The following SEC24A variants were observed in gnomAD, a reference collection of about 807,000 sequenced individuals.
SEC24A encodes the protein protein transport protein Sec24A.
In SEC24A, 93 loss-of-function variants were observed where a neutral mutation model predicts 129.4. The observed-to-expected ratio is 0.72, with a 90% CI of 0.61 to 0.85. The LOEUF is 0.85. Among genes scored for constraint, SEC24A ranks in the 40% least tolerant of loss-of-function variants. SEC24A has a pLI of 0.00. For synonymous variants in SEC24A, 460 were observed against 467.3 expected, an observed-to-expected ratio of 0.98 and a Z score of 0.20; for missense variants, 1,264 against 1,307.4, an observed-to-expected ratio of 0.97 and a Z score of 0.51.
chr5:134,686,457 G>A (rs1580711402), intron 9 of SEC24A, among the ~76,000 whole-genome samples: 2 of 152,090 alleles, frequency 1.3e-5, no homozygotes, highest in Admixed American at 6.5e-5. Flanking sequence ...CGCTGGTCTC[G>A]AACTCCTGAC....
At chr5:134,665,312 G>T (rs1050505812) in intron 2 of SEC24A, among the ~76,000 whole-genome samples, 2 of 150,916 alleles carry the variant, frequency 1.3e-5, no homozygotes, top group Non-Finnish European at 2.9e-5. Context: ...AAATTAGCCG[G>T]GCGTGGTGGC....
At chr5:134,661,735 C>A in intron 2 of SEC24A, 149 bp downstream of exon 2, 1 of 708,494 alleles carries the variant, frequency 1.4e-6, no homozygotes, top group Non-Finnish European at 2.3e-6. Context: ...TGTTTTTCGG[C>A]TTTCCAGCAA....
intron 22 of SEC24A, among the ~76,000 whole-genome samples, chr5:134,724,470 C>G (rs1204261595): frequency 6.6e-6 from 1 of 152,072 alleles, no homozygotes; most frequent in Admixed American, 6.6e-5. Flanking sequence ...TGCCTGTAAT[C>G]CCAGCTACTC....
chr5:134,701,212 C>T (rs1020796355), intron 15 of SEC24A: 2 of 152,272 alleles, frequency 1.3e-5, no homozygotes, highest in African/African-American at 4.8e-5. Context: ...GTCATCCTTG[C>T]ACTGGGGCCA....
At position 134,714,814 on chromosome 5, in the gene SEC24A, CAGTT is replaced by C. The variant is rs1169926433; in HGVS notation, c.2728-204_2728-201del. The stretch of plus-strand genomic sequence containing the variant: ...GGAGATCAGATAACTTTGCCATGGT[CAGTT>C]AGTTAATTTCAAAAGACTTTTAGGT... On this transcript the variant is annotated intron_variant, in intron 18 of 22. Coordinates refer to ENST00000398844, the MANE Select transcript of SEC24A (RefSeq NM_021982.3). Among the ~76,000 whole-genome samples, 5 of 152,080 alleles carry C rather than the reference CAGTT, an allele frequency of 3.3e-5. No individual in the cohort carries two copies. The South Asian group carries it at 6.2e-4, about 19-fold the overall frequency.
chr5:134,693,465 G>C, intron 12 of SEC24A: 1 of 1,381,654 alleles, frequency 7.2e-7, no homozygotes, highest in Non-Finnish European at 9.3e-7. Context: ...TGGTTCTTTT[G>C]GATACATTTT....
intron 15 of SEC24A, 87 bp from the exon 16 acceptor site, chr5:134,703,672 T>C (rs1228721235): frequency 1.2e-6 from 1 of 865,350 alleles, no homozygotes; most frequent in Non-Finnish European, 1.9e-6. Context: ...TCTTTACTTT[T>C]TGCCAATCTG....
chr5:134,662,371 G>C (rs922326911), intron 2 of SEC24A, among the ~76,000 whole-genome samples: 1 of 151,876 alleles, frequency 6.6e-6, no homozygotes, highest in South Asian at 2.1e-4. Flanking sequence ...AGCCAGGATG[G>C]TCTCGATCTC....
chr5:134,676,438 C>T (rs1173304980), intron 7 of SEC24A, among the ~76,000 whole-genome samples: 6 of 84,202 alleles, frequency 7.1e-5, no homozygotes, highest in Non-Finnish European at 8.8e-5. Context: ...GCGCCCGGCT[C>T]TTTTTTTTTT....
In SEC24A at chr5:134,696,875, G is replaced by A. The variant is rs113405822; in HGVS notation, c.1987-251G>A. ...ACTCCTGGGCTCAAGCAGTCCACCCGCCTTGGCTTCCCAAAGTGCTAGGAT... is the reference window on the plus strand; with the variant it reads ...ACTCCTGGGCTCAAGCAGTCCACCCACCTTGGCTTCCCAAAGTGCTAGGAT... On this transcript the variant is annotated intron_variant, in intron 13 of 22. Transcript: ENST00000398844. Among the ~76,000 whole-genome samples, 561 of 150,144 alleles carry A rather than the reference G, an allele frequency of 3.7e-3. 3 individuals carry two copies. Among genetic ancestry groups the A allele is most frequent in the African/African-American group, 0.013 (535 of 40,894 alleles).
At position 134,661,387 on chromosome 5, in the gene SEC24A, T is replaced by G; in HGVS notation, c.366T>G (p.Pro122=). ...ASQNPATTPM[P]SSSFLPEANL... ...AGAACCCAGCTACTACACCAATGCC[T>G]TCTAGTAGCTTTCTTCCTGAAGCCA... The change falls in exon 2 of 23, where the codon CCT becomes CCG. Residue 122 remains proline, a synonymous_variant. Coordinates refer to ENST00000398844, the MANE Select transcript of SEC24A (RefSeq NM_021982.3). The G allele has an allele frequency of 1.9e-6, 3 of 1,614,170 alleles. 1 individual carries two copies. Among genetic ancestry groups the G allele is most frequent in the South Asian group, 2.2e-5 (2 of 91,082 alleles).
intron 1 of SEC24A, among the ~76,000 whole-genome samples, chr5:134,654,579 T>C (rs1268490373): frequency 6.6e-6 from 1 of 152,154 alleles, no homozygotes; most frequent in East Asian, 1.9e-4. Context: ...GATAGCAGAC[T>C]ACAAGACCTT....
At chr5:134,703,575 G>GT (rs1197104637) in intron 15 of SEC24A, among the ~76,000 whole-genome samples, 184 bp from the exon 16 acceptor site, 1 of 152,052 alleles carries the variant, frequency 6.6e-6, no homozygotes. Flanking sequence ...ACCCAAAAAT[G>GT]TTTTTTGAAA....
intron 13 of SEC24A, among the ~76,000 whole-genome samples, chr5:134,695,994 T>C (rs1385408288): frequency 2.0e-5 from 3 of 148,402 alleles, no homozygotes; most frequent in Non-Finnish European, 4.5e-5. Context: ...TGGCCAGGTG[T>C]GGTGGCTCAC....
chr5:134,660,810 G>T (rs992043340), intron 1 of SEC24A, among the ~76,000 whole-genome samples: 2 of 152,072 alleles, frequency 1.3e-5, no homozygotes, highest in Admixed American at 6.6e-5. Flanking sequence ...ACCTGCCTTG[G>T]CCTCCCAAAG....
chr5:134,649,168 C>A lies in SEC24A; in HGVS notation c.92C>A (p.Thr31Asn), dbSNP rs751597258. ...GAALASGSPYTNGPVQNALLS... is the reference protein window; with the variant it reads ...GAALASGSPYNNGPVQNALLS... ...GCCTTGGCCTCGGGGTCTCCCTACA[C>A]CAACGGTGAGTGCTGTCCGGGGGGA... is the stretch of plus-strand genomic sequence containing the variant. The change falls in exon 1 of 23, where the codon ACC (threonine) becomes AAC (asparagine). Residue 31 changes from threonine to asparagine, a missense_variant. Transcript: ENST00000398844. The A allele has an allele frequency of 2.6e-5, 41 of 1,604,858 alleles. No homozygotes were observed. The highest frequency in any genetic ancestry group is 3.5e-5 in the Non-Finnish European group (41 of 1,175,536).
intron 10 of SEC24A, among the ~76,000 whole-genome samples, chr5:134,687,822 C>T (rs933908991): frequency 6.6e-6 from 1 of 152,140 alleles, no homozygotes; most frequent in Non-Finnish European, 1.5e-5. Context: ...GTTTCTGTAT[C>T]ATAATATTTT....
rs1388942868 is a variant in SEC24A, at chr5:134,677,744, A to G, written c.1254+1619A>G. On this transcript the variant is annotated intron_variant, in intron 7 of 22. Coordinates refer to ENST00000398844, the MANE Select transcript of SEC24A (RefSeq NM_021982.3). Reference sequence around the variant, plus strand: ...CCCAGCTACTGGGGAGGCTGAGGCAAGGGAATCGCTTGAACCCGGGAGGTG... The same window carrying G: ...CCCAGCTACTGGGGAGGCTGAGGCAGGGGAATCGCTTGAACCCGGGAGGTG... Among the ~76,000 whole-genome samples, 3 of 151,692 alleles carry G rather than the reference A, an allele frequency of 2.0e-5. No individual in the cohort carries two copies. In the East Asian group the frequency reaches 5.8e-4, roughly 29 times the overall value.
At chr5:134,689,896 C>T (rs1036857626) in intron 11 of SEC24A, among the ~76,000 whole-genome samples, 2 of 150,438 alleles carry the variant, frequency 1.3e-5, no homozygotes, top group African/African-American at 4.9e-5. Context: ...CACAAACCGA[C>T]AAATATTGTA....
Sources: allele counts gnomAD v4.1 joint callset (sites outside exome capture counted in the v4.1 genomes callset), GRCh38; gene constraint gnomAD v4.1.1; transcripts MANE v1.5; gene names NCBI Gene and HGNC (gene_info 2026-07-23, HGNC 2026-07-21).